BPTF: variants seen among roughly 807,000 people sequenced by gnomAD.
The protein encoded by BPTF is bromodomain PHD finger transcription factor.
In BPTF, 18 loss-of-function variants were observed where a neutral mutation model predicts 292.5. The ratio of observed to expected loss-of-function variants is 0.06; its 90% CI spans 0.04 to 0.09. BPTF has a LOEUF of 0.09. Ranked by LOEUF, BPTF falls within the 10% of genes least tolerant of loss-of-function variation. BPTF has a pLI of 1.00. For synonymous variants in BPTF, 1,225 were observed against 1,251.9 expected (o/e 0.98, Z 0.45); for missense variants, 2,726 against 3,498.7 (o/e 0.78, Z 5.57).
At chr17:67,908,348 G>A (rs1029177130) in intron 9 of BPTF, among the ~76,000 whole-genome samples, 1 of 151,930 alleles carries the variant, frequency 6.6e-6, no homozygotes, top group Non-Finnish European at 1.5e-5. Flanking sequence ...TAGTAGAGAT[G>A]GGGTTTCACC....
rs370166839 is a variant in BPTF at position 67,916,634 on chromosome 17, C to T, written c.5304-2080C>T. ...TACAAAAATTAGCTGGATGTTTGGG[C>T]GGGCGCCTGTAATCCCGGCTACTCG... On this transcript the variant is annotated intron_variant, in intron 11 of 27. Coordinates refer to ENST00000306378, the MANE Select transcript of BPTF (RefSeq NM_182641.4). 4.0e-5 allele frequency among the ~76,000 whole-genome samples: 6 copies of T among 151,776 alleles called. No homozygotes were observed. In the East Asian group the frequency reaches 5.8e-4, roughly 15 times the overall value.
intron 26 of BPTF, chr17:67,975,492 G>A: frequency 3.4e-6 from 1 of 297,636 alleles, no homozygotes; most frequent in Non-Finnish European, 6.2e-6. Context: ...GTGTTTCCTT[G>A]ATTTCAAACC....
chr17:67,865,936 T>G (rs927881212), intron 2 of BPTF, among the ~76,000 whole-genome samples: 7 of 152,166 alleles, frequency 4.6e-5, no homozygotes, highest in Non-Finnish European at 1.0e-4. Context: ...ATTTACACCA[T>G]TTTGTTAGAA....
At chr17:67,944,008 T>C in intron 19 of BPTF, 142 bp from the exon 20 acceptor site, 1 of 697,024 alleles carries the variant, frequency 1.4e-6, no homozygotes. Flanking sequence ...TACTTTAGCT[T>C]ATCTAAATTC....
intron 27 of BPTF, among the ~76,000 whole-genome samples, chr17:67,979,644 T>C (rs1555695898): frequency 1.3e-5 from 2 of 152,218 alleles, no homozygotes; most frequent in South Asian, 2.1e-4. Flanking sequence ...GAAATAAAAC[T>C]TGGACTCAAA....
At chr17:67,857,782 CTTTTTTTT>C (rs35999365) in intron 2 of BPTF, among the ~76,000 whole-genome samples, 8 of 103,476 alleles carry the variant, frequency 7.7e-5, no homozygotes, top group Admixed American at 7.5e-4. Context: ...ATATTTCTTT[CTTTTTTTT>C]TTTTTTTTTT....
intron 18 of BPTF, among the ~76,000 whole-genome samples, chr17:67,937,647 A>G (rs990328989): frequency 2.0e-5 from 3 of 148,642 alleles, no homozygotes; most frequent in Non-Finnish European, 4.5e-5. Flanking sequence ...ACCTGGTGAC[A>G]TTGAAGGGAT....
intron 11 of BPTF, among the ~76,000 whole-genome samples, chr17:67,913,778 G>A (rs974132773): frequency 6.6e-6 from 1 of 152,136 alleles, no homozygotes; most frequent in Non-Finnish European, 1.5e-5. Context: ...TTTAGGTTTA[G>A]GGGATGCGTC....
intron 26 of BPTF, among the ~76,000 whole-genome samples, chr17:67,973,191 G>A (rs2068990618): frequency 6.7e-6 from 1 of 149,744 alleles, no homozygotes; most frequent in Non-Finnish European, 1.5e-5. Context: ...TGGCTAACAC[G>A]GTGAAACCCC....
chr17:67,869,819 T>G (rs1329101325), intron 3 of BPTF, among the ~76,000 whole-genome samples: 3 of 40,322 alleles, frequency 7.4e-5, no homozygotes, highest in African/African-American at 3.0e-4. Flanking sequence ...CCGTCTCTAC[T>G]AAAAATACAA....
chr17:67,879,141 T>C (rs1437666648), intron 4 of BPTF, among the ~76,000 whole-genome samples: 1 of 140,254 alleles, frequency 7.1e-6, no homozygotes, highest in Admixed American at 7.3e-5. Flanking sequence ...TATTTCTTTT[T>C]TTTTTTTTTT....
rs534861418 is a variant in BPTF, at chr17:67,953,152, G to T, written c.7926+4846G>T. Among the ~76,000 whole-genome samples the T allele has an allele frequency of 6.6e-5, 10 of 151,920 alleles. No individual in the cohort carries two copies. The South Asian group carries it at 2.1e-3, about 32-fold the overall frequency. On this transcript the variant is annotated intron_variant, in intron 23 of 27. Transcript: ENST00000306378. ...AGTTTTTTGTATTTTTAGTAGAGAC[G>T]GGGTTTCACCATGTTAGCCAGGATG...
chr17:67,932,736 T>G (rs1306766702), intron 18 of BPTF, among the ~76,000 whole-genome samples: 1 of 152,082 alleles, frequency 6.6e-6, no homozygotes, highest in Non-Finnish European at 1.5e-5. Context: ...TTAAAGATTT[T>G]TTTTTAAACC....
chr17:67,945,966 C>T lies in BPTF; in HGVS notation c.7258C>T (p.Arg2420Cys), dbSNP rs782639578. 18 of 1,614,058 alleles carry T rather than the reference C, an allele frequency of 1.1e-5. No individual in the cohort carries two copies. The highest frequency in any genetic ancestry group is 8.0e-5 in the African/African-American group (6 of 74,916). Reference protein sequence around the residue: ...LNQVTVSSPSRPQLQIQQPQP... With the variant: ...LNQVTVSSPSCPQLQIQQPQP... ...TCAAGTTACTGTTTCATCCCCATCCCGTCCTCAGCTACAAATACAGCAGCC... is the reference window on the plus strand; with the variant it reads ...TCAAGTTACTGTTTCATCCCCATCCTGTCCTCAGCTACAAATACAGCAGCC... The change falls in exon 21 of 28, where the codon CGT becomes TGT. Residue 2420 changes from arginine to cysteine, a missense_variant. This residue lies in a region of BPTF where 570 missense variants were observed against 633.5 expected (regional missense o/e 0.90). Transcript: ENST00000306378.
chr17:67,964,190 A>G, intron 24 of BPTF, 22 bp from the exon 25 acceptor site: 2 of 1,598,374 alleles, frequency 1.3e-6, no homozygotes, highest in Non-Finnish European at 1.7e-6. Context: ...TTGAACTCAC[A>G]TTTCCATTTC....
chr17:67,838,865 CTT>C (rs1313196394), intron 1 of BPTF, among the ~76,000 whole-genome samples: 1 of 152,166 alleles, frequency 6.6e-6, no homozygotes, highest in Non-Finnish European at 1.5e-5. Flanking sequence ...CAGATTTTAT[CTT>C]TGTGTATAAA....
At chr17:67,938,470 G>A (rs756947502) in intron 18 of BPTF, among the ~76,000 whole-genome samples, 6 of 152,154 alleles carry the variant, frequency 3.9e-5, no homozygotes, top group Non-Finnish European at 8.8e-5. Flanking sequence ...TGTACTACCA[G>A]TTGTTAAAGC....
chr17:67,876,110 T>G (rs2145779225), intron 4 of BPTF, among the ~76,000 whole-genome samples: 1 of 152,076 alleles, frequency 6.6e-6, no homozygotes, highest in African/African-American at 2.4e-5. Flanking sequence ...ACTAACAAAT[T>G]AATTTTATGT....
chr17:67,886,209 G>A (rs2060739199), intron 4 of BPTF: 1 of 1,613,948 alleles, frequency 6.2e-7, no homozygotes, highest in Non-Finnish European at 8.5e-7. Flanking sequence ...AACAGTAACA[G>A]CAGCAGTGAA....
Sources: gnomAD v4.1 joint callset for allele counts (sites outside exome capture counted in the v4.1 genomes callset) on GRCh38, gnomAD v4.1.1 for gene constraint, gnomAD v4.1.1 regional missense constraint, MANE v1.5 for transcripts, NCBI Gene and HGNC (gene_info 2026-07-23, HGNC 2026-07-21) for gene names.